The following DAB1 variants were observed in gnomAD, a reference collection of about 807,000 sequenced individuals.
The protein encoded by DAB1 is disabled homolog 1.
Under a neutral mutation model 64.6 loss-of-function variants are expected in DAB1, and 15 were observed. The observed-to-expected ratio is 0.23, with a 90% CI of 0.16 to 0.36. The LOEUF (loss-of-function observed/expected upper bound fraction) is 0.36, where lower values mean the gene tolerates loss of function less well. Among genes scored for constraint, DAB1 ranks in the 10% least tolerant of loss-of-function variants. DAB1 has a pLI of 1.00. For missense variants in DAB1, 596 were observed against 706.7 expected (o/e 0.84, Z 1.78); for synonymous variants, 235 against 251.9 (o/e 0.93, Z 0.64).
intron 7 of DAB1, among the ~76,000 whole-genome samples, chr1:57,430,661 A>G (rs1685471024): frequency 6.6e-6 from 1 of 151,988 alleles, no homozygotes; most frequent in East Asian, 1.9e-4. Flanking sequence ...AGTTAATACA[A>G]TTTTTAATAA....
intron 5 of DAB1, among the ~76,000 whole-genome samples, chr1:58,037,765 C>T (rs1331809170): frequency 6.6e-6 from 1 of 152,100 alleles, no homozygotes; most frequent in Non-Finnish European, 1.5e-5. Context: ...GGTACCACAC[C>T]CTTGCTTACC....
chr1:57,262,630 T>C (rs996808879), intron 2 of DAB1, among the ~76,000 whole-genome samples: 1 of 152,220 alleles, frequency 6.6e-6, no homozygotes, highest in Non-Finnish European at 1.5e-5. Context: ...TGTGGGAAAT[T>C]CATTTGAATT....
chr1:57,274,111 T>C (rs1223546132), intron 2 of DAB1, among the ~76,000 whole-genome samples: 1 of 152,212 alleles, frequency 6.6e-6, no homozygotes, highest in Non-Finnish European at 1.5e-5. Context: ...TTTGCCAATC[T>C]GCTCTGATCC....
chr1:58,183,249 C>G (rs1015358499), intron 4 of DAB1, among the ~76,000 whole-genome samples: 3 of 152,042 alleles, frequency 2.0e-5, no homozygotes, highest in African/African-American at 7.3e-5. Flanking sequence ...AGGCAGTTTA[C>G]AAATCTGATA....
chr1:57,766,907 G>C (rs1351031739), intron 6 of DAB1, among the ~76,000 whole-genome samples: 1 of 151,606 alleles, frequency 6.6e-6, no homozygotes, highest in Middle Eastern at 3.2e-3. Context: ...ACTCAGAAAA[G>C]CACTTTACTT....
intron 5 of DAB1, among the ~76,000 whole-genome samples, chr1:58,016,937 G>T (rs947558345): frequency 6.6e-6 from 1 of 152,046 alleles, no homozygotes; most frequent in Non-Finnish European, 1.5e-5. Flanking sequence ...ACTTTACAGC[G>T]AGCGCTCTGA....
At chr1:57,377,247 G>A (rs1308703861) in intron 1 of DAB1, among the ~76,000 whole-genome samples, 1 of 150,548 alleles carries the variant, frequency 6.6e-6, no homozygotes, top group African/African-American at 2.5e-5. Context: ...TCTAGCCTGG[G>A]TGACAGAGTG....
intron 2 of DAB1, among the ~76,000 whole-genome samples, chr1:57,206,321 A>G (rs190611461): frequency 2.0e-5 from 3 of 152,244 alleles, no homozygotes; most frequent in East Asian, 3.9e-4. Flanking sequence ...ATCTCCCTCT[A>G]CCAGACAGGG....
At chr1:57,971,379 C>T (rs756214269) in intron 5 of DAB1, among the ~76,000 whole-genome samples, 2 of 152,176 alleles carry the variant, frequency 1.3e-5, no homozygotes, top group Non-Finnish European at 2.9e-5. Context: ...TTTCATCAGA[C>T]CTGATTTTCA....
At chr1:58,420,416 T>C (rs1644760920) in intron 3 of DAB1, among the ~76,000 whole-genome samples, 1 of 152,208 alleles carries the variant, frequency 6.6e-6, no homozygotes, top group Non-Finnish European at 1.5e-5. Context: ...TTGTTCTCCC[T>C]TGGCCCATCA....
chr1:57,656,382 T>G lies in DAB1; in HGVS notation n.552-6717A>C, dbSNP rs575813259. 2.6e-5 allele frequency among the ~76,000 whole-genome samples: 4 copies of G among 152,316 alleles called. No homozygotes were observed. In the South Asian group the frequency reaches 8.3e-4, roughly 32 times the overall value. ...TGTGTGTGTGTGTTTTTGTGCTCGC[T>G]TTGGCAACACATATACTAAAAGAGT... On this transcript the variant is annotated intron_variant and non_coding_transcript_variant, in intron 6 of 20. Coordinates refer to the DAB1 transcript ENST00000485760.
At position 57,008,923 on chromosome 1, in the gene DAB1, AT is replaced by A. The variant is rs1646179255; in HGVS notation, c.*15+1756del. 2.0e-5 allele frequency among the ~76,000 whole-genome samples: 3 copies of A among 152,200 alleles called. No individual in the cohort carries two copies. The South Asian group carries it at 6.2e-4, about 32-fold the overall frequency. ...TGAGTTCTTCCCACACTACTATGCTATGTCCATTTACAGCTCAGCTGTGGCT... is the reference window on the plus strand; with the variant it reads ...TGAGTTCTTCCCACACTACTATGCTAGTCCATTTACAGCTCAGCTGTGGCT... On this transcript the variant is annotated intron_variant, in intron 14 of 14. Transcript: ENST00000371236.
rs536635205 is a variant in DAB1 at position 58,049,363 on chromosome 1, C to T, written n.387+101148G>A. ...CCACGGGCAGAAAGGAGCAAGCTGA[C>T]GAATGTATCTTAACCTGAACTATTT... is the stretch of plus-strand genomic sequence containing the variant. On this transcript the variant is annotated intron_variant and non_coding_transcript_variant, in intron 5 of 20. Transcript: ENST00000485760. 4.3e-5 allele frequency: 26 copies of T among 600,756 alleles called. No homozygotes were observed. In the East Asian group the frequency reaches 5.7e-4, roughly 13 times the overall value. The allele number at this position is 600,756 out of a possible 1,614,324, so 37.2% of individuals were successfully genotyped here.
At chr1:57,207,096 G>A (rs1482393334) in intron 2 of DAB1, among the ~76,000 whole-genome samples, 1 of 148,990 alleles carries the variant, frequency 6.7e-6, no homozygotes, top group Non-Finnish European at 1.5e-5. Flanking sequence ...AGCCTCCCGA[G>A]TAGCTGGGAT....
rs184730148 is a variant in DAB1 at position 58,519,741 on chromosome 1, T to A, written n.107+7520A>T. On this transcript the variant is annotated intron_variant and non_coding_transcript_variant, in intron 2 of 20. Coordinates refer to the DAB1 transcript ENST00000485760. ...GAGATTAGAGTTAAGAAACATGAAT[T>A]TTTAAAAAAATATATGATTAACATA... Among the ~76,000 whole-genome samples, 870 of 152,040 alleles carry A rather than the reference T, an allele frequency of 5.7e-3. 5 individuals are homozygous for A. Among genetic ancestry groups the A allele is most frequent in the Non-Finnish European group, 8.5e-3 (581 of 67,974 alleles).
intron 2 of DAB1, among the ~76,000 whole-genome samples, chr1:57,184,769 A>G (rs1663352024): frequency 6.6e-6 from 1 of 152,102 alleles, no homozygotes; most frequent in Non-Finnish European, 1.5e-5. Flanking sequence ...ACACAGAGAT[A>G]CACACTCACT....
intron 2 of DAB1, among the ~76,000 whole-genome samples, chr1:57,223,385 C>G (rs1297417939): frequency 2.6e-5 from 4 of 152,128 alleles, no homozygotes; most frequent in Non-Finnish European, 5.9e-5. Flanking sequence ...AGCCCAAGTC[C>G]TCCCTTCTAG....
At chr1:57,348,685 A>G (rs186791040) in intron 1 of DAB1, among the ~76,000 whole-genome samples, 190 of 152,204 alleles carry the variant, frequency 1.2e-3, no homozygotes, top group African/African-American at 4.3e-3. Flanking sequence ...TCTCCCCTCT[A>G]CGAGAACCTT....
At chr1:58,113,410 T>G (rs1157638695) in intron 5 of DAB1, among the ~76,000 whole-genome samples, 2 of 152,180 alleles carry the variant, frequency 1.3e-5, no homozygotes, top group African/African-American at 4.8e-5. Context: ...GACACAGGCC[T>G]GTATCATTTG....
Sources: allele counts gnomAD v4.1 joint callset (sites outside exome capture counted in the v4.1 genomes callset), GRCh38; gene constraint gnomAD v4.1.1; transcripts MANE v1.5; gene names NCBI Gene and HGNC (gene_info 2026-07-23, HGNC 2026-07-21).